PARVB: variants seen among roughly 807,000 people sequenced by gnomAD.
PARVB encodes the protein parvin beta.
Under a neutral mutation model 47.0 loss-of-function variants are expected in PARVB, and 46 were observed. The ratio of observed to expected loss-of-function variants is 0.98; its 90% CI spans 0.77 to 1.25. The LOEUF is 1.25. Among genes scored for constraint, PARVB ranks in the 50% most tolerant of loss-of-function variants. The pLI is 0.00. For missense variants in PARVB, 473 were observed against 471.6 expected (o/e 1.00, Z -0.03); for synonymous variants, 196 against 196.3 (o/e 1.00, Z 0.01).
At chr22:44,027,849 G>A (rs2050756069) in intron 1 of PARVB, among the ~76,000 whole-genome samples, 1 of 150,514 alleles carries the variant, frequency 6.6e-6, no homozygotes, top group Non-Finnish European at 1.5e-5. Flanking sequence ...AGTGAGCTGA[G>A]ATTGCCTCAC....
At chr22:44,067,736 A>G (rs1320546873) in intron 1 of PARVB, among the ~76,000 whole-genome samples, 5 of 152,238 alleles carry the variant, frequency 3.3e-5, no homozygotes, top group Non-Finnish European at 5.9e-5. Flanking sequence ...TGGGAACTGC[A>G]TCAGAGCTGG....
intron 4 of PARVB, among the ~76,000 whole-genome samples, chr22:44,129,666 T>A (rs1411637500): frequency 6.6e-6 from 1 of 152,254 alleles, no homozygotes; most frequent in African/African-American, 2.4e-5. Flanking sequence ...GACAGACAGC[T>A]GTGGATGACT....
chr22:44,020,443 G>T (rs1033827246), upstream of PARVB, among the ~76,000 whole-genome samples: 1 of 152,128 alleles, frequency 6.6e-6, no homozygotes, highest in African/African-American at 2.4e-5. Flanking sequence ...CATAGTGTTG[G>T]GCTCTCAGGC....
At chr22:44,118,980 A>G (rs1569131111) in intron 3 of PARVB, 58 bp from the exon 4 acceptor site, 1 of 1,166,306 alleles carries the variant, frequency 8.6e-7, no homozygotes, top group Non-Finnish European at 1.3e-6. Context: ...TTCCCTGGTC[A>G]CTGCCTCATT....
rs542689647 is a variant in PARVB at position 44,068,844 on chromosome 22, G to A, written c.113-25084G>A. The stretch of plus-strand genomic sequence containing the variant: ...CTTCAGTCAGCCCAGGGGCCTGGGC[G>A]CGCCCTTCCTTCCTTCTTTGTGCAT... On this transcript the variant is annotated intron_variant, in intron 1 of 12. Transcript: ENST00000338758. This position sits in a 1 kb window ranked among gnomAD's most constrained non-coding sequence, Gnocchi z 4.1. Among the ~76,000 whole-genome samples, 8 of 152,336 alleles carry A rather than the reference G, an allele frequency of 5.3e-5. No individual in the cohort carries two copies. Among genetic ancestry groups the A allele is most frequent in the East Asian group, 1.9e-4 (1 of 5,180 alleles).
intron 6 of PARVB, among the ~76,000 whole-genome samples, chr22:44,135,000 T>A (rs2053411424): frequency 6.6e-6 from 1 of 152,172 alleles, no homozygotes; most frequent in Non-Finnish European, 1.5e-5. Context: ...CTCCTGAGAA[T>A]CAGGATAAAT....
intron 1 of PARVB, among the ~76,000 whole-genome samples, chr22:44,060,132 T>C (rs1016664560): frequency 6.6e-6 from 1 of 151,998 alleles, no homozygotes; most frequent in Admixed American, 6.6e-5. Context: ...CTGGCCAACA[T>C]GGTAAAATGC....
rs371509535 is a variant in PARVB, at chr22:44,024,717, C to A, written c.112+266C>A. 5.9e-5 allele frequency among the ~76,000 whole-genome samples: 9 copies of A among 152,198 alleles called. No homozygotes were observed. The East Asian group carries it at 1.4e-3, about 23-fold the overall frequency. On this transcript the variant is annotated intron_variant, in intron 1 of 12. Coordinates refer to ENST00000338758, the MANE Select transcript of PARVB (RefSeq NM_013327.5). Reference sequence around the variant, plus strand: ...GCGGCGGGGACCTCGGGCCACCGTGCGGGGCCCGCGCCTGCTCTGCCTGCC... The same window carrying A: ...GCGGCGGGGACCTCGGGCCACCGTGAGGGGCCCGCGCCTGCTCTGCCTGCC...
intron 1 of PARVB, among the ~76,000 whole-genome samples, chr22:44,037,070 C>A (rs990595314): frequency 1.3e-5 from 2 of 151,784 alleles, no homozygotes; most frequent in African/African-American, 4.8e-5. Context: ...GCTTATAATC[C>A]CAGTACTTTG....
chr22:44,006,748 AC>A (rs1353192284), intron 2 of PARVB, among the ~76,000 whole-genome samples: 1 of 152,036 alleles, frequency 6.6e-6, no homozygotes, highest in Non-Finnish European at 1.5e-5. Flanking sequence ...CTAGGTTTGA[AC>A]TCAGCACACT....
At chr22:44,072,452 GT>G (rs1375204412) in intron 1 of PARVB, among the ~76,000 whole-genome samples, 1 of 152,030 alleles carries the variant, frequency 6.6e-6, no homozygotes, top group Non-Finnish European at 1.5e-5. Flanking sequence ...TGTTTGGTTG[GT>G]TTTTTGAGAT....
intron 9 of PARVB, chr22:44,148,394 A>C (rs2053733545): frequency 5.1e-6 from 1 of 196,126 alleles, no homozygotes; most frequent in African/African-American, 2.3e-5. Flanking sequence ...CTGTGGATGG[A>C]AAAATCTCCG....
chr22:44,001,102 T>C (rs186622357), intron 2 of PARVB, among the ~76,000 whole-genome samples: 54 of 152,118 alleles, frequency 3.5e-4, no homozygotes, highest in African/African-American at 1.3e-3. Flanking sequence ...TACAAAAAAT[T>C]AGCTGGGCGT....
In PARVB at chr22:44,077,770, G is replaced by T. The variant is rs146528289; in HGVS notation, c.113-16158G>T. ...TTCTTCTGAGACAGTGTCTCATTCT[G>T]TCATCCAGGCTGGTGTGCAATGGTT... On this transcript the variant is annotated intron_variant, in intron 1 of 12. Transcript: ENST00000338758. 5.3e-4 allele frequency among the ~76,000 whole-genome samples: 80 copies of T among 152,114 alleles called. 1 individual carries two copies. The South Asian group carries it at 9.6e-3, about 18-fold the overall frequency.
At chr22:44,004,701 C>T (rs954978294) in intron 2 of PARVB, among the ~76,000 whole-genome samples, 10 of 152,148 alleles carry the variant, frequency 6.6e-5, no homozygotes, top group African/African-American at 9.7e-5. Flanking sequence ...GCCCTTTGTT[C>T]GGGGCTCAAA....
chr22:44,087,290 C>G (rs180907577), intron 1 of PARVB, among the ~76,000 whole-genome samples: 1 of 152,284 alleles, frequency 6.6e-6, no homozygotes, highest in African/African-American at 2.4e-5. Flanking sequence ...TAGAAAGTCC[C>G]CGTAGGTGGC....
chr22:44,160,961 A>G (rs1342062970), intron 11 of PARVB, among the ~76,000 whole-genome samples: 1 of 152,198 alleles, frequency 6.6e-6, no homozygotes, highest in Non-Finnish European at 1.5e-5. Context: ...CTCAGGCTTA[A>G]GAGGTGCACG....
chr22:44,087,929 A>C (rs2052068788), intron 1 of PARVB, among the ~76,000 whole-genome samples: 1 of 140,300 alleles, frequency 7.1e-6, no homozygotes, highest in Non-Finnish European at 1.5e-5. Flanking sequence ...CACATATTCC[A>C]CCATTATAGT....
In PARVB at chr22:44,147,909, G is replaced by A. The variant is rs138980500; in HGVS notation, c.761G>A (p.Ser254Asn). 3.3e-5 allele frequency: 54 copies of A among 1,613,950 alleles called. No individual in the cohort carries two copies. The South Asian group carries it at 5.9e-4, about 18-fold the overall frequency. ...TLFDHAPDKL[S>N]VVKKSLITFV... ...TTCGACCACGCCCCGGATAAGCTCAGCGTGGTGAAGAAGGTGAGCTATTGG... is the reference window on the plus strand; with the variant it reads ...TTCGACCACGCCCCGGATAAGCTCAACGTGGTGAAGAAGGTGAGCTATTGG... The change falls in exon 9 of 13, where the codon AGC becomes AAC. Residue 254 changes from serine to asparagine, a missense_variant. By Grantham distance (46) the Ser-to-Asn change is conservative. Transcript: ENST00000338758.
Sources: allele counts gnomAD v4.1 joint callset (sites outside exome capture counted in the v4.1 genomes callset), GRCh38; gene constraint gnomAD v4.1.1; non-coding constraint Gnocchi (gnomAD v3.1); transcripts MANE v1.5; gene names NCBI Gene and HGNC (gene_info 2026-07-23, HGNC 2026-07-21).